The following CTNND2 variants were observed in gnomAD, a reference collection of about 807,000 sequenced individuals.
CTNND2 encodes catenin delta-2.
Under a neutral mutation model 144.4 loss-of-function variants are expected in CTNND2, and 22 were observed. The ratio of observed to expected loss-of-function variants is 0.15; its 90% CI spans 0.11 to 0.22. CTNND2 has a LOEUF of 0.22. Among genes scored for constraint, CTNND2 ranks in the 10% least tolerant of loss-of-function variants. The pLI is 1.00. For missense variants in CTNND2, 1,353 were observed against 1,618.8 expected (o/e 0.84, Z 2.82); for synonymous variants, 751 against 695.6 (o/e 1.08, Z -1.25).
rs1011040455 is a variant in CTNND2, at chr5:11,759,802, C to T, written c.38-27530G>A. On this transcript the variant is annotated intron_variant, in intron 1 of 21. Coordinates refer to ENST00000304623, the MANE Select transcript of CTNND2 (RefSeq NM_001332.4). ...ACTAATACAGCAATGCTATGCAGTA[C>T]TTCTATTATTATCCTCTTTTCTAGA... Among the ~76,000 whole-genome samples, 7 of 152,006 alleles carry T rather than the reference C, an allele frequency of 4.6e-5. No individual in the cohort carries two copies. In the South Asian group the frequency reaches 1.5e-3, roughly 32 times the overall value.
At chr5:11,692,926 G>A (rs966944664) in intron 2 of CTNND2, among the ~76,000 whole-genome samples, 2 of 152,138 alleles carry the variant, frequency 1.3e-5, no homozygotes, top group African/African-American at 4.8e-5. Flanking sequence ...AAAAGACTTA[G>A]AAAGTCTCAC....
At chr5:11,533,252 G>A (rs985594690) in intron 3 of CTNND2, among the ~76,000 whole-genome samples, 2 of 152,182 alleles carry the variant, frequency 1.3e-5, no homozygotes, top group Non-Finnish European at 2.9e-5. Flanking sequence ...TATTTTCTAG[G>A]AAACAACATG....
intron 2 of CTNND2, among the ~76,000 whole-genome samples, chr5:11,696,099 C>T (rs6883905): frequency 0.42 from 64,268 of 152,034 alleles, 17,734 homozygotes; most frequent in African/African-American, 0.78. Context: ...ACTCTTTCTG[C>T]AAGGGGCCAG....
intron 9 of CTNND2, among the ~76,000 whole-genome samples, chr5:11,338,307 G>C (rs1221229390): frequency 1.3e-5 from 2 of 152,186 alleles, no homozygotes; most frequent in East Asian, 3.9e-4. Flanking sequence ...TAGAGAACTG[G>C]AACATGGGTC....
intron 9 of CTNND2, among the ~76,000 whole-genome samples, chr5:11,286,929 CATCA>C (rs1747817363): frequency 1.3e-5 from 2 of 152,314 alleles, no homozygotes; most frequent in East Asian, 1.9e-4. Context: ...TGTAAGCATC[CATCA>C]ATCAGAGAAC....
chr5:11,861,662 T>TG (rs1795510166), intron 1 of CTNND2, among the ~76,000 whole-genome samples: 1 of 152,182 alleles, frequency 6.6e-6, no homozygotes, highest in African/African-American at 2.4e-5. Flanking sequence ...TTGCAAAACA[T>TG]GAACTCGATC....
intron 5 of CTNND2, among the ~76,000 whole-genome samples, chr5:11,409,253 T>G (rs1327220374): frequency 6.6e-6 from 1 of 152,032 alleles, no homozygotes; most frequent in Admixed American, 6.6e-5. Flanking sequence ...TATTTACTTT[T>G]AGTGTTGGTA....
At position 11,474,942 on chromosome 5, in the gene CTNND2, G is replaced by A. The variant is rs1767578746; in HGVS notation, c.288-62873C>T. Among the ~76,000 whole-genome samples the A allele has an allele frequency of 3.9e-5, 6 of 152,298 alleles. No homozygotes were observed. In the South Asian group the frequency reaches 1.0e-3, roughly 26 times the overall value. On this transcript the variant is annotated intron_variant, in intron 3 of 21. Coordinates refer to ENST00000304623, the MANE Select transcript of CTNND2 (RefSeq NM_001332.4). ...TGCTAGAGCCATACTTCTGTGACAT[G>A]TCATGGCCACCCGTTTTCACATCTG... is the stretch of plus-strand genomic sequence containing the variant.
intron 1 of CTNND2, among the ~76,000 whole-genome samples, chr5:11,861,827 G>A (rs1795517643): frequency 6.6e-6 from 1 of 152,106 alleles, no homozygotes; most frequent in Admixed American, 6.5e-5. Context: ...AGCCATGATT[G>A]GACTCCTTGG....
chr5:11,201,898 G>T (rs1737479679), intron 10 of CTNND2, among the ~76,000 whole-genome samples: 1 of 152,152 alleles, frequency 6.6e-6, no homozygotes, highest in African/African-American at 2.4e-5. Flanking sequence ...TTCCTATATA[G>T]GTGTCTTGTT....
chr5:11,446,504 C>T (rs1471504555), intron 3 of CTNND2, among the ~76,000 whole-genome samples: 2 of 152,156 alleles, frequency 1.3e-5, no homozygotes, highest in Non-Finnish European at 2.9e-5. Flanking sequence ...CACAATTCCT[C>T]TGGGAGATGC....
rs1411823676 is a variant in CTNND2 at position 11,879,341 on chromosome 5, G to GTATATATATATATATATATATATA, written c.37+24475_37+24476insTATATATATATATATATATATATA. Reference sequence around the variant, plus strand: ...AAGTGTATTAAAAAATTAAATGTGTGTATATATATATATATACATATACAC... The same window carrying GTATATATATATATATATATATATA: ...AAGTGTATTAAAAAATTAAATGTGTGTATATATATATATATATATATATATATATATATATATATACATATACAC... On this transcript the variant is annotated intron_variant, in intron 1 of 21. Transcript: ENST00000304623. Among the ~76,000 whole-genome samples the GTATATATATATATATATATATATA allele has an allele frequency of 2.7e-4, 29 of 109,330 alleles. 2 individuals are homozygous for GTATATATATATATATATATATATA. The highest frequency in any genetic ancestry group is 7.5e-4 in the African/African-American group (25 of 33,490). 71.7% of individuals were successfully genotyped at this position (109,330 alleles called of 152,430 possible).
chr5:11,759,939 T>C (rs576509130), intron 1 of CTNND2, among the ~76,000 whole-genome samples: 96 of 151,708 alleles, frequency 6.3e-4, no homozygotes, highest in African/African-American at 2.2e-3. Flanking sequence ...GTTAATCTAC[T>C]GGATGCCTCT....
intron 15 of CTNND2, among the ~76,000 whole-genome samples, chr5:11,093,515 G>C (rs561644893): frequency 6.6e-6 from 1 of 152,174 alleles, no homozygotes; most frequent in Non-Finnish European, 1.5e-5. Flanking sequence ...TTTAAAAAGT[G>C]TTTAGGGCCA....
At chr5:11,095,224 C>T (rs540184186) in intron 15 of CTNND2, among the ~76,000 whole-genome samples, 3 of 152,314 alleles carry the variant, frequency 2.0e-5, no homozygotes, top group Non-Finnish European at 4.4e-5. Context: ...CAAACTTACA[C>T]GGAAATCTCA....
chr5:11,268,442 G>A (rs1029936562), intron 9 of CTNND2, among the ~76,000 whole-genome samples: 1 of 151,964 alleles, frequency 6.6e-6, no homozygotes, highest in Non-Finnish European at 1.5e-5. Context: ...AAAATTAGCT[G>A]GGCGTGGTGG....
chr5:11,136,356 A>C lies in CTNND2; in HGVS notation c.2160-18789T>G, dbSNP rs140667320. Among the ~76,000 whole-genome samples, 426 of 152,314 alleles carry C rather than the reference A, an allele frequency of 2.8e-3. 3 individuals are homozygous for C. The highest frequency in any genetic ancestry group is 9.1e-3 in the African/African-American group (377 of 41,554). ...AATTAGTGATGAATAAAATAGAAAT[A>C]ATAAGAGTGAAAAAGGACTTTATAA... On this transcript the variant is annotated intron_variant, in intron 12 of 21. Coordinates refer to ENST00000304623, the MANE Select transcript of CTNND2 (RefSeq NM_001332.4).
intron 1 of CTNND2, among the ~76,000 whole-genome samples, chr5:11,735,067 T>C (rs13189508): frequency 0.16 from 24,922 of 152,018 alleles, 2,191 homozygotes; most frequent in South Asian, 0.28. Context: ...GGGGAAATAA[T>C]ATCAACAAAA....
At chr5:11,798,347 C>T (rs975097147) in intron 1 of CTNND2, among the ~76,000 whole-genome samples, 91 of 150,230 alleles carry the variant, frequency 6.1e-4, no homozygotes, top group Non-Finnish European at 1.1e-3. Context: ...ATGCTATTTT[C>T]TTTTAGTGGG....
Sources: gnomAD v4.1 joint callset for allele counts (sites outside exome capture counted in the v4.1 genomes callset) on GRCh38, gnomAD v4.1.1 for gene constraint, MANE v1.5 for transcripts, NCBI Gene and HGNC (gene_info 2026-07-23, HGNC 2026-07-21) for gene names.